KCTD16: variants seen among roughly 807,000 people sequenced by gnomAD.
KCTD16 encodes the protein potassium channel tetramerization domain containing 16.
Under a neutral mutation model 33.2 loss-of-function variants are expected in KCTD16, and 13 were observed. The ratio of observed to expected loss-of-function variants is 0.39; its 90% CI spans 0.25 to 0.62. KCTD16 has a LOEUF of 0.62. Among genes scored for constraint, KCTD16 ranks in the 20% least tolerant of loss-of-function variants. The probability of loss-of-function intolerance (pLI) is 0.50; values close to 1 mark genes in which losing one functional copy is unlikely to be tolerated. For synonymous variants in KCTD16, 197 were observed against 195.3 expected, an observed-to-expected ratio of 1.01 and a Z score of -0.07; for missense variants, 441 against 525.1, an observed-to-expected ratio of 0.84 and a Z score of 1.57.
At chr5:144,223,074 A>C (rs972094513) in intron 3 of KCTD16, among the ~76,000 whole-genome samples, 1 of 152,140 alleles carries the variant, frequency 6.6e-6, no homozygotes, top group Non-Finnish European at 1.5e-5. Context: ...GTTCTCACTC[A>C]TAGGTGGGAA....
intron 3 of KCTD16, among the ~76,000 whole-genome samples, chr5:144,342,064 T>C (rs1358740853): frequency 3.9e-5 from 6 of 152,222 alleles, no homozygotes. Context: ...GCGGGCTCTT[T>C]TTTGGTTCCA....
intron 3 of KCTD16, among the ~76,000 whole-genome samples, chr5:144,311,443 CT>C (rs1751765219): frequency 1.3e-5 from 2 of 152,074 alleles, no homozygotes; most frequent in Non-Finnish European, 2.9e-5. Flanking sequence ...AGGCACTCTA[CT>C]TCTAGGAAGT....
intron 3 of KCTD16, among the ~76,000 whole-genome samples, chr5:144,391,708 T>A (rs917643188): frequency 6.6e-6 from 1 of 152,224 alleles, no homozygotes; most frequent in African/African-American, 2.4e-5. Context: ...TGAAGGACCA[T>A]TTGCAATAAT....
chr5:144,218,029 T>C (rs976827385), intron 3 of KCTD16, among the ~76,000 whole-genome samples: 2 of 152,210 alleles, frequency 1.3e-5, no homozygotes, highest in Non-Finnish European at 2.9e-5. Flanking sequence ...CTGTGCCCTT[T>C]GCTCTTGTGC....
chr5:144,237,188 G>T (rs1193932012), intron 3 of KCTD16, among the ~76,000 whole-genome samples: 1 of 151,970 alleles, frequency 6.6e-6, no homozygotes, highest in East Asian at 1.9e-4. Flanking sequence ...CCAGTTACAT[G>T]CCTCTATTTG....
chr5:144,242,926 A>T (rs1393787063), intron 3 of KCTD16, among the ~76,000 whole-genome samples: 1 of 152,210 alleles, frequency 6.6e-6, no homozygotes, highest in Non-Finnish European at 1.5e-5. Context: ...GAGGTTTGGA[A>T]GGGATAAATA....
intron 3 of KCTD16, among the ~76,000 whole-genome samples, chr5:144,404,305 C>T (rs1752766427): frequency 6.6e-6 from 1 of 152,040 alleles, no homozygotes; most frequent in South Asian, 2.1e-4. Context: ...AATACCATCC[C>T]TTAATAGTAT....
chr5:144,290,629 C>T (rs1755870449), intron 3 of KCTD16, among the ~76,000 whole-genome samples: 1 of 152,134 alleles, frequency 6.6e-6, no homozygotes, highest in South Asian at 2.1e-4. Flanking sequence ...TCGGAGCATC[C>T]ATCAATGATG....
chr5:144,326,129 A>G (rs1752202104), intron 3 of KCTD16, among the ~76,000 whole-genome samples: 1 of 152,174 alleles, frequency 6.6e-6, no homozygotes, highest in South Asian at 2.1e-4. Context: ...AAACAAGTAT[A>G]TTTTATAAAA....
chr5:144,380,671 C>T (rs531962975), intron 3 of KCTD16, among the ~76,000 whole-genome samples: 1 of 152,014 alleles, frequency 6.6e-6, no homozygotes. Context: ...GGTTACAGAA[C>T]AACTATATGA....
At chr5:144,195,983 C>T (rs1752932717) in intron 2 of KCTD16, among the ~76,000 whole-genome samples, 1 of 152,130 alleles carries the variant, frequency 6.6e-6, no homozygotes, top group African/African-American at 2.4e-5. Flanking sequence ...AGTGTTTTCC[C>T]CTATTGGATT....
intron 3 of KCTD16, among the ~76,000 whole-genome samples, chr5:144,442,638 A>G (rs1373965894): frequency 6.9e-6 from 1 of 144,040 alleles, no homozygotes; most frequent in Non-Finnish European, 1.5e-5. Flanking sequence ...TTGCTCTGTA[A>G]TTCTGCTTGT....
rs1057265998 is a variant in KCTD16 at position 144,485,338 on chromosome 5, G to A, written c.*11224G>A. On this transcript the variant is annotated 3_prime_UTR_variant, in exon 4 of 4. Transcript: ENST00000512467. ...TATCTATGTATGCAATATCTACACT[G>A]CGAATTACTACCATCTATTCTCACT... The A allele has an allele frequency of 6.6e-6, 1 of 151,818 alleles. No homozygotes were observed. The highest frequency in any genetic ancestry group is 2.4e-5 in the African/African-American group (1 of 41,374). The allele number at this position is 151,818 out of a possible 1,614,324, so 9.4% of individuals were successfully genotyped here.
chr5:144,236,323 C>G (rs1754252457), intron 3 of KCTD16, among the ~76,000 whole-genome samples: 1 of 152,044 alleles, frequency 6.6e-6, no homozygotes, highest in Non-Finnish European at 1.5e-5. Context: ...GGATGAGCAG[C>G]AGTTGGCCTG....
intron 3 of KCTD16, among the ~76,000 whole-genome samples, chr5:144,335,541 G>GACACACAC (rs71576197): frequency 6.6e-6 from 1 of 151,626 alleles, no homozygotes; most frequent in African/African-American, 2.4e-5. Context: ...TCTAGTGAAA[G>GACACACAC]ACACACACAC....
rs1013282341 is a variant in KCTD16, at chr5:144,478,338, C to G, written c.*4224C>G. On this transcript the variant is annotated 3_prime_UTR_variant, in exon 4 of 4. Coordinates refer to ENST00000512467, the MANE Select transcript of KCTD16 (RefSeq NM_020768.4). ...CAGACGAAATGGTTATTGCTCTCTA[C>G]CCCTGCTGAAAGAATAGAGTCTTAA... 1.3e-5 allele frequency: 2 copies of G among 152,004 alleles called. No individual in the cohort carries two copies. The highest frequency in any genetic ancestry group is 6.6e-5 in the Admixed American group (1 of 15,236). 9.4% of individuals were successfully genotyped at this position (152,004 alleles called of 1,614,324 possible). A position where few individuals can be genotyped will look rare whatever the true frequency, so the allele number is the denominator to read the frequency against.
chr5:144,328,502 CT>C (rs959875687), intron 3 of KCTD16, among the ~76,000 whole-genome samples: 62 of 149,086 alleles, frequency 4.2e-4, no homozygotes, highest in Admixed American at 1.4e-3. Context: ...CGAATATCCT[CT>C]TTTTTTTTTA....
chr5:144,219,533 T>TTTTTTTTTTTTG (rs1379659777), intron 3 of KCTD16, among the ~76,000 whole-genome samples: 1 of 144,276 alleles, frequency 6.9e-6, no homozygotes, highest in Non-Finnish European at 1.5e-5. Context: ...TTTTTTTTTT[T>TTTTTTTTTTTTG]TTTTTGAGAC....
intron 3 of KCTD16, among the ~76,000 whole-genome samples, chr5:144,442,234 G>T (rs147718305): frequency 2.3e-4 from 35 of 152,102 alleles, no homozygotes; most frequent in African/African-American, 8.2e-4. Context: ...GTGCTAGCAG[G>T]GTTTCAGCTT....
Sources: gnomAD v4.1 joint callset for allele counts (sites outside exome capture counted in the v4.1 genomes callset) on GRCh38, gnomAD v4.1.1 for gene constraint, MANE v1.5 for transcripts, NCBI Gene and HGNC (gene_info 2026-07-23, HGNC 2026-07-21) for gene names.